Variants in PHC3 observed in about 807,000 individuals in gnomAD.
The protein encoded by PHC3 is polyhomeotic homolog 3, also known as polyhomeotic-like protein 3.
PHC3 carries 13 observed loss-of-function variants against 107.4 expected under a neutral mutation model. The ratio of observed to expected loss-of-function variants is 0.12; its 90% CI spans 0.08 to 0.19. The LOEUF (loss-of-function observed/expected upper bound fraction) is 0.19. PHC3 is among the 10% of genes least tolerant of loss of function. The probability of loss-of-function intolerance (pLI) is 1.00; values close to 1 mark genes in which losing one functional copy is unlikely to be tolerated. For missense variants in PHC3, 992 were observed against 1,210.9 expected, an observed-to-expected ratio of 0.82 and a Z score of 2.68; for synonymous variants, 456 against 427.4, an observed-to-expected ratio of 1.07 and a Z score of -0.83.
In PHC3 at chr3:170,089,612, T is replaced by G. The variant is rs1321534644; in HGVS notation, c.*7618A>C. On this transcript the variant is annotated 3_prime_UTR_variant, in exon 15 of 15. Coordinates refer to ENST00000495893, the MANE Select transcript of PHC3 (RefSeq NM_024947.4). ...AATGATCTCCTTTGAGATTTTTCAGTTTTAGAAAGTTGCTACACTGTCGGA... is the reference window on the plus strand; with the variant it reads ...AATGATCTCCTTTGAGATTTTTCAGGTTTAGAAAGTTGCTACACTGTCGGA... 1 of 152,050 alleles carries G rather than the reference T, an allele frequency of 6.6e-6. No homozygotes were observed. The highest frequency in any genetic ancestry group is 1.5e-5 in the Non-Finnish European group (1 of 68,002). 9.4% of individuals were successfully genotyped at this position (152,050 alleles called of 1,614,324 possible). A position where few individuals can be genotyped will look rare whatever the true frequency, so the allele number is the denominator to read the frequency against.
chr3:170,172,632 G>A lies in PHC3; in HGVS notation c.261C>T (p.His87=). Residue 87 remains histidine (H), a synonymous_variant, in exon 3 of 15, where the codon CAC becomes CAT. Transcript: ENST00000495893. ...GAAGAGCTGCAGTATGCAGCATCAA[G>A]TGCTGTTGTTGGGCTGCATACATTT... is the stretch of plus-strand genomic sequence containing the variant. ...LQQMYAAQQQ[H]LMLHTAALQQ... 1 of 1,613,734 alleles carries A rather than the reference G, an allele frequency of 6.2e-7. No homozygotes were observed. Among genetic ancestry groups the A allele is most frequent in the Non-Finnish European group, 8.5e-7 (1 of 1,179,828 alleles).
chr3:170,089,192 CAA>C lies in PHC3; in HGVS notation c.*8036_*8037del. On this transcript the variant is annotated 3_prime_UTR_variant, in exon 15 of 15. Coordinates refer to ENST00000495893, the MANE Select transcript of PHC3 (RefSeq NM_024947.4). The stretch of plus-strand genomic sequence containing the variant: ...AACAAACAAAACAAAAAAGCTAAAA[CAA>C]TGATAAACTATTTTTAATAGATATT... The C allele has an allele frequency of 6.6e-6, 1 of 152,180 alleles. No individual in the cohort carries two copies. Among genetic ancestry groups the C allele is most frequent in the African/African-American group, 2.4e-5 (1 of 41,538 alleles). The allele number at this position is 152,180 out of a possible 1,614,324, so 9.4% of individuals were successfully genotyped here.
At chr3:170,138,110 T>C (rs1286707492) in intron 6 of PHC3, among the ~76,000 whole-genome samples, 1 of 151,906 alleles carries the variant, frequency 6.6e-6, no homozygotes, top group Non-Finnish European at 1.5e-5. Flanking sequence ...CATGAACTGC[T>C]TGAGCCTGGG....
chr3:170,117,235 C>T lies in PHC3; in HGVS notation c.2184G>A (p.Glu728=). ...TATGCTTGCTACTTACAGGAAATGG[C>T]TCCAATCCCTCCTGAATCACAAAGC... is the stretch of plus-strand genomic sequence containing the variant. ...IEGFVIQEGL[E]PFPVSRSSLL... is the part of the protein sequence containing the mutation. The change falls in exon 10 of 15, where the codon GAG becomes GAA. Residue 728 remains glutamate (E), a synonymous_variant. Transcript: ENST00000495893. The T allele has an allele frequency of 6.2e-7, 1 of 1,613,958 alleles. No homozygotes were observed. The highest frequency in any genetic ancestry group is 1.1e-5 in the South Asian group (1 of 91,074).
At chr3:170,116,781 C>T (rs995393199) in intron 10 of PHC3, among the ~76,000 whole-genome samples, 1 of 151,728 alleles carries the variant, frequency 6.6e-6, no homozygotes, top group Non-Finnish European at 1.5e-5. Context: ...CACGGTGGCG[C>T]ACACCTGTAG....
intron 1 of PHC3, among the ~76,000 whole-genome samples, chr3:170,181,261 GGGAAGGAGA>G (rs1290331237): frequency 6.6e-6 from 1 of 152,176 alleles, no homozygotes; most frequent in African/African-American, 2.4e-5. Context: ...GCGCCGGGGC[GGGAAGGAGA>G]AGAAGGCGAA....
At chr3:170,149,568 C>A (rs1725563469) in intron 4 of PHC3, among the ~76,000 whole-genome samples, 2 of 152,110 alleles carry the variant, frequency 1.3e-5, no homozygotes, top group African/African-American at 4.8e-5. Context: ...GATTCTCCTG[C>A]CTAAGCCTCC....
intron 1 of PHC3, among the ~76,000 whole-genome samples, chr3:170,179,710 C>T (rs1731076429): frequency 6.6e-6 from 1 of 152,296 alleles, no homozygotes; most frequent in Admixed American, 6.5e-5. Context: ...ACTTTCTTCC[C>T]TCCAATACTA....
Position 170,087,725 on chromosome 3 carries a change from C to T in PHC3, c.*9505G>A, listed in dbSNP as rs941545134. 6.6e-6 allele frequency: 1 copy of T among 152,102 alleles called. No individual in the cohort carries two copies. The highest frequency in any genetic ancestry group is 1.5e-5 in the Non-Finnish European group (1 of 67,992). The allele number at this position is 152,102 out of a possible 1,614,324, so 9.4% of individuals were successfully genotyped here. A position where few individuals can be genotyped will look rare whatever the true frequency, so the allele number is the denominator to read the frequency against. ...AGACCCACATGAAGCAATGTTACAA[C>T]AATATTCTATATGAAAATGTGCAGG... On this transcript the variant is annotated 3_prime_UTR_variant, in exon 15 of 15. Transcript: ENST00000495893.
At chr3:170,103,654 T>C (rs1449409194) in intron 12 of PHC3, among the ~76,000 whole-genome samples, 1 of 152,176 alleles carries the variant, frequency 6.6e-6, no homozygotes, top group African/African-American at 2.4e-5. Flanking sequence ...ACTGGCAAAC[T>C]TTTTCTACAA....
Position 170,122,573 on chromosome 3 carries a change from A to G in PHC3, c.1942+18T>C. 1 of 1,611,850 alleles carries G rather than the reference A, an allele frequency of 6.2e-7. No individual in the cohort carries two copies. On this transcript the variant is annotated intron_variant, in intron 9 of 14. Transcript: ENST00000495893. ...TTATCAAATAGAAAAATTCCCACAA[A>G]TTTTGGTATTTTCTCACCTAACAAA...
chr3:170,177,391 A>G (rs1395776398), intron 2 of PHC3, among the ~76,000 whole-genome samples: 2 of 152,068 alleles, frequency 1.3e-5, no homozygotes, highest in African/African-American at 4.8e-5. Context: ...TTTGAGATGG[A>G]GTCTCACTCT....
intron 4 of PHC3, among the ~76,000 whole-genome samples, chr3:170,156,801 TG>T (rs776234905): frequency 4.6e-5 from 7 of 151,184 alleles, no homozygotes; most frequent in Non-Finnish European, 7.4e-5. Context: ...TTCACCATGT[TG>T]GTCAGGCTGG....
At chr3:170,160,639 G>A (rs1358959086) in intron 4 of PHC3, among the ~76,000 whole-genome samples, 1 of 152,180 alleles carries the variant, frequency 6.6e-6, no homozygotes, top group Non-Finnish European at 1.5e-5. Flanking sequence ...GGTGGCTCAC[G>A]CCTGTAATCC....
chr3:170,111,232 C>T (rs751674147), intron 11 of PHC3, among the ~76,000 whole-genome samples: 14 of 148,950 alleles, frequency 9.4e-5, no homozygotes, highest in Non-Finnish European at 1.8e-4. Context: ...ACGTATGTAC[C>T]GGTGACTACG....
chr3:170,090,272 G>C lies in PHC3; in HGVS notation c.*6958C>G, dbSNP rs1713953674. 6.6e-6 allele frequency: 1 copy of C among 152,090 alleles called. No homozygotes were observed. The allele number at this position is 152,090 out of a possible 1,614,324, so 9.4% of individuals were successfully genotyped here. A position where few individuals can be genotyped will look rare whatever the true frequency, so the allele number is the denominator to read the frequency against. Reference sequence around the variant, plus strand: ...TACAAATATTCCCTCCCAGTTCCAAGTTTATTAAGATTCCCTCTCAGTATA... The same window carrying C: ...TACAAATATTCCCTCCCAGTTCCAACTTTATTAAGATTCCCTCTCAGTATA... On this transcript the variant is annotated 3_prime_UTR_variant, in exon 15 of 15. Transcript: ENST00000495893.
chr3:170,165,234 G>A (rs1175967011), intron 4 of PHC3, among the ~76,000 whole-genome samples: 1 of 151,954 alleles, frequency 6.6e-6, no homozygotes, highest in Non-Finnish European at 1.5e-5. Flanking sequence ...TGCCATATGG[G>A]GACTCATACT....
At chr3:170,158,125 A>G (rs1162220071) in intron 4 of PHC3, among the ~76,000 whole-genome samples, 1 of 152,138 alleles carries the variant, frequency 6.6e-6, no homozygotes, top group Non-Finnish European at 1.5e-5. Flanking sequence ...AATCACACAA[A>G]TCTAGACTAT....
chr3:170,166,597 A>C (rs1284609035), intron 4 of PHC3, among the ~76,000 whole-genome samples: 1 of 152,152 alleles, frequency 6.6e-6, no homozygotes, highest in African/African-American at 2.4e-5. Flanking sequence ...GCATATGGGC[A>C]TAATTATCTA....
Sources: allele counts gnomAD v4.1 joint callset (sites outside exome capture counted in the v4.1 genomes callset), GRCh38; gene constraint gnomAD v4.1.1; transcripts MANE v1.5; gene names NCBI Gene and HGNC (gene_info 2026-07-23, HGNC 2026-07-21).